ARHGAP24: variants seen among roughly 807,000 people sequenced by gnomAD.
The protein encoded by ARHGAP24 is Rho GTPase activating protein 24.
ARHGAP24 carries 50 observed loss-of-function variants against 76.4 expected under a neutral mutation model. The observed-to-expected ratio is 0.65, with a 90% CI of 0.52 to 0.83. The LOEUF (loss-of-function observed/expected upper bound fraction) is 0.83. Ranked by LOEUF, ARHGAP24 falls within the 40% of genes least tolerant of loss-of-function variation. The pLI is 0.00. For synonymous variants in ARHGAP24, 345 were observed against 323.3 expected (o/e 1.07, Z -0.72); for missense variants, 930 against 914.2 (o/e 1.02, Z -0.22).
chr4:85,896,359 C>T (rs1039641051), intron 3 of ARHGAP24, among the ~76,000 whole-genome samples: 2 of 152,116 alleles, frequency 1.3e-5, no homozygotes, highest in Non-Finnish European at 2.9e-5. Flanking sequence ...AATAAAACTG[C>T]CATTTATATC....
chr4:85,894,099 T>G (rs202220453), intron 3 of ARHGAP24, among the ~76,000 whole-genome samples: 1 of 131,352 alleles, frequency 7.6e-6, no homozygotes, highest in African/African-American at 2.8e-5. Context: ...TAGAGTATAA[T>G]AAAAAAAAAA....
At chr4:85,493,981 T>G (rs1723458496) in intron 1 of ARHGAP24, among the ~76,000 whole-genome samples, 3 of 152,144 alleles carry the variant, frequency 2.0e-5, no homozygotes, top group South Asian at 4.1e-4. Context: ...CGTGAAAAAT[T>G]TTGTGCTTTG....
At chr4:85,544,953 G>A (rs1725857020) in intron 1 of ARHGAP24, among the ~76,000 whole-genome samples, 1 of 151,044 alleles carries the variant, frequency 6.6e-6, no homozygotes. Flanking sequence ...AGCATCTAGG[G>A]AGGCCTGACT....
chr4:85,687,126 A>G (rs943306959), intron 2 of ARHGAP24, among the ~76,000 whole-genome samples: 3 of 151,744 alleles, frequency 2.0e-5, no homozygotes, highest in Admixed American at 6.6e-5. Flanking sequence ...ATGGATGGAT[A>G]GATAGATAAT....
chr4:85,783,707 G>GTA (rs1454863179), intron 3 of ARHGAP24, among the ~76,000 whole-genome samples: 1 of 152,182 alleles, frequency 6.6e-6, no homozygotes, highest in Admixed American at 6.5e-5. Flanking sequence ...AAAGAAAACA[G>GTA]TCACGATTCC....
At chr4:85,649,009 A>ATGTGTGTGTG (rs1491155144) in intron 2 of ARHGAP24, among the ~76,000 whole-genome samples, 14 of 37,418 alleles carry the variant, frequency 3.7e-4, no homozygotes, top group African/African-American at 9.2e-4. Flanking sequence ...GCATTTGTAA[A>ATGTGTGTGTG]TATGTGTGTG....
At chr4:85,722,061 A>G (rs1724965611) in intron 3 of ARHGAP24, 89 bp downstream of exon 3, 1 of 1,203,822 alleles carries the variant, frequency 8.3e-7, no homozygotes, top group Non-Finnish European at 1.2e-6. Context: ...TCTTTTTTGA[A>G]TCATGACTGA....
intron 2 of ARHGAP24, among the ~76,000 whole-genome samples, chr4:85,670,061 G>A (rs1722772711): frequency 6.6e-6 from 1 of 151,934 alleles, no homozygotes; most frequent in East Asian, 1.9e-4. Context: ...TGGGGTGGCT[G>A]CAAACTTTAT....
intron 3 of ARHGAP24, among the ~76,000 whole-genome samples, chr4:85,861,000 GCACACACACACA>G (rs70948764): frequency 1.3e-3 from 181 of 137,506 alleles, no homozygotes; most frequent in African/African-American, 5.1e-3. Context: ...GTGCATGCAC[GCACACACACACA>G]CACACACACA....
At chr4:85,592,295 T>C (rs1225684029) in intron 2 of ARHGAP24, among the ~76,000 whole-genome samples, 1 of 152,224 alleles carries the variant, frequency 6.6e-6, no homozygotes, top group Non-Finnish European at 1.5e-5. Flanking sequence ...GTTTGCCATT[T>C]GTATGTCTTC....
intron 3 of ARHGAP24, among the ~76,000 whole-genome samples, chr4:85,867,156 G>T (rs1732243742): frequency 6.6e-6 from 1 of 152,046 alleles, no homozygotes; most frequent in African/African-American, 2.4e-5. Context: ...TGATTCAGGG[G>T]ACTACTAACC....
intron 8 of ARHGAP24, 45 bp from the exon 9 acceptor site, chr4:85,994,537 TA>T: frequency 6.4e-7 from 1 of 1,563,452 alleles, no homozygotes; most frequent in Non-Finnish European, 8.8e-7. Context: ...TAGAAATAAA[TA>T]AAAACTGTCT....
intron 2 of ARHGAP24, among the ~76,000 whole-genome samples, chr4:85,656,372 AAGAGCAGAAAGATAAAGTAAT>A: frequency 6.6e-6 from 1 of 152,114 alleles, no homozygotes; most frequent in African/African-American, 2.4e-5. Flanking sequence ...TGACACATGT[AAGAGCAGAAAGATAAAGTAAT>A]ATAATTTTAA....
chr4:85,756,795 G>A (rs1438396592), intron 3 of ARHGAP24, among the ~76,000 whole-genome samples: 1 of 152,138 alleles, frequency 6.6e-6, no homozygotes, highest in Non-Finnish European at 1.5e-5. Context: ...TGGGGCTCAG[G>A]AGCTGGTTTA....
intron 5 of ARHGAP24, among the ~76,000 whole-genome samples, chr4:85,962,574 G>A (rs1738323795): frequency 6.6e-6 from 1 of 152,008 alleles, no homozygotes; most frequent in Non-Finnish European, 1.5e-5. Flanking sequence ...CTCTTACAGT[G>A]AGTAGGTTAT....
intron 1 of ARHGAP24, among the ~76,000 whole-genome samples, chr4:85,524,183 C>T (rs907744015): frequency 5.3e-5 from 8 of 152,034 alleles, no homozygotes; most frequent in Admixed American, 2.6e-4. Flanking sequence ...TGGAGAATTC[C>T]GCTACAGAAT....
intron 3 of ARHGAP24, among the ~76,000 whole-genome samples, chr4:85,833,912 C>G (rs1226642796): frequency 6.6e-6 from 1 of 152,202 alleles, no homozygotes. Flanking sequence ...GCACTGGGAT[C>G]AGCTGGATCT....
chr4:85,704,062 G>T (rs761408306), intron 2 of ARHGAP24, among the ~76,000 whole-genome samples: 1 of 152,186 alleles, frequency 6.6e-6, no homozygotes, highest in South Asian at 2.1e-4. Flanking sequence ...TTCATTGAAC[G>T]TAATGCACCT....
intron 3 of ARHGAP24, among the ~76,000 whole-genome samples, chr4:85,856,292 C>G (rs929278975): frequency 6.6e-6 from 1 of 151,682 alleles, no homozygotes; most frequent in South Asian, 2.1e-4. Flanking sequence ...ACAGAATAAT[C>G]TCATTTTGGT....
Sources: allele counts gnomAD v4.1 joint callset (sites outside exome capture counted in the v4.1 genomes callset), GRCh38; gene constraint gnomAD v4.1.1; transcripts MANE v1.5; gene names NCBI Gene and HGNC (gene_info 2026-07-23, HGNC 2026-07-21).